Variants in SBF2 observed in about 807,000 individuals in gnomAD.
The protein encoded by SBF2 is myotubularin-related protein 13.
SBF2 carries 112 observed loss-of-function variants against 225.2 expected under a neutral mutation model. The ratio of observed to expected loss-of-function variants is 0.50; its 90% CI spans 0.43 to 0.58. The LOEUF is 0.58. SBF2 is among the 20% of genes least tolerant of loss of function. SBF2 has a pLI of 0.00. For synonymous variants in SBF2, 763 were observed against 773.3 expected (o/e 0.99, Z 0.22); for missense variants, 1,996 against 2,206.2 (o/e 0.90, Z 1.91).
chr11:10,168,459 C>T (rs539658568), intron 2 of SBF2, among the ~76,000 whole-genome samples: 13 of 152,268 alleles, frequency 8.5e-5, no homozygotes, highest in African/African-American at 2.4e-4. Context: ...CCAATTCTTC[C>T]CTTTTACTAA....
In SBF2 at chr11:9,942,901, G is replaced by GAGAGAA. The variant is rs1209099295; in HGVS notation, c.1860+19055_1860+19056insTTCTCT. 2.0e-3 allele frequency among the ~76,000 whole-genome samples: 204 copies of GAGAGAA among 101,374 alleles called. 1 individual carries two copies. The highest frequency in any genetic ancestry group is 6.1e-3 in the African/African-American group (180 of 29,564). 66.5% of individuals were successfully genotyped at this position (101,374 alleles called of 152,430 possible). On this transcript the variant is annotated intron_variant, in intron 16 of 39. Coordinates refer to ENST00000256190, the MANE Select transcript of SBF2 (RefSeq NM_030962.4). The stretch of plus-strand genomic sequence containing the variant: ...AAAGAAAAGAAAAGAAAGAGAGAGA[G>GAGAGAA]AGAAAGAAAGAAAGAAAGAAAGAAA...
intron 14 of SBF2, among the ~76,000 whole-genome samples, chr11:9,965,452 C>T (rs1270080940): frequency 1.3e-5 from 2 of 152,090 alleles, no homozygotes; most frequent in Non-Finnish European, 2.9e-5. Context: ...CCACACCCGG[C>T]TAATTTCGTA....
Position 10,294,091 on chromosome 11 carries a change from G to A in SBF2, c.-22C>T. 7.4e-7 allele frequency: 1 copy of A among 1,351,124 alleles called. No homozygotes were observed. The highest frequency in any genetic ancestry group is 1.9e-5 in the South Asian group (1 of 51,496). The allele number at this position is 1,351,124 out of a possible 1,614,324, so 83.7% of individuals were successfully genotyped here. Reference sequence around the variant, plus strand: ...CCATGGCCGCCGCCGCCGCGCTCGGGAAGCGGGTCCCCGTCGCCGCCCTCG... The same window carrying A: ...CCATGGCCGCCGCCGCCGCGCTCGGAAAGCGGGTCCCCGTCGCCGCCCTCG... On this transcript the variant is annotated 5_prime_UTR_variant, in exon 1 of 40. Coordinates refer to ENST00000256190, the MANE Select transcript of SBF2 (RefSeq NM_030962.4).
At chr11:9,897,856 C>T (rs551468562) in intron 16 of SBF2, among the ~76,000 whole-genome samples, 3 of 152,278 alleles carry the variant, frequency 2.0e-5, no homozygotes, top group Admixed American at 2.0e-4. Flanking sequence ...GATTTATCTA[C>T]CTATCAGTGT....
At chr11:9,990,291 T>C (rs1947371411) in intron 12 of SBF2, among the ~76,000 whole-genome samples, 1 of 152,186 alleles carries the variant, frequency 6.6e-6, no homozygotes, top group African/African-American at 2.4e-5. Flanking sequence ...GGCTTACCTA[T>C]TCTAGGCTAG....
At chr11:10,028,968 A>G (rs965793119) in intron 5 of SBF2, among the ~76,000 whole-genome samples, 2 of 152,192 alleles carry the variant, frequency 1.3e-5, no homozygotes, top group African/African-American at 4.8e-5. Context: ...CAGAGAAAAA[A>G]GGAGGATAAA....
intron 3 of SBF2, among the ~76,000 whole-genome samples, chr11:10,039,245 T>C (rs920932136): frequency 2.6e-5 from 4 of 151,796 alleles, no homozygotes; most frequent in Non-Finnish European, 4.4e-5. Context: ...ACTGATGATA[T>C]GATCCAAAAA....
intron 2 of SBF2, among the ~76,000 whole-genome samples, chr11:10,118,510 TGGTCAGA>T (rs1417693045): frequency 1.4e-5 from 2 of 145,834 alleles, no homozygotes; most frequent in African/African-American, 5.0e-5. Context: ...TTTTAAAATA[TGGTCAGA>T]GGTATACATT....
chr11:10,037,676 A>C (rs1439139197), intron 3 of SBF2, among the ~76,000 whole-genome samples: 1 of 151,840 alleles, frequency 6.6e-6, no homozygotes, highest in Middle Eastern at 3.2e-3. Context: ...AAATATGTCA[A>C]ACCATCTTTT....
intron 6 of SBF2, among the ~76,000 whole-genome samples, chr11:10,010,183 T>C (rs758730758): frequency 1.3e-5 from 2 of 152,214 alleles, no homozygotes; most frequent in Non-Finnish European, 2.9e-5. Context: ...TTTCTCGCAT[T>C]CTGTAGGTTG....
chr11:9,843,586 C>G (rs1014941984), intron 24 of SBF2, among the ~76,000 whole-genome samples: 1 of 152,170 alleles, frequency 6.6e-6, no homozygotes, highest in South Asian at 2.1e-4. Flanking sequence ...ATATTCTTCT[C>G]TATCACAAAG....
rs1957273770 is a variant in SBF2, at chr11:10,193,927, G to A, written c.116C>T (p.Thr39Ile). 2 of 1,612,086 alleles carry A rather than the reference G, an allele frequency of 1.2e-6. No individual in the cohort carries two copies. Among genetic ancestry groups the A allele is most frequent in the Non-Finnish European group, 1.7e-6 (2 of 1,178,270 alleles). Reference protein sequence around the residue: ...QRFPQKDWDDTPFPQGIELFC... With the variant: ...QRFPQKDWDDIPFPQGIELFC... ...CAACTCAATTCCCTGTGGAAAAGGTGTATCATCCCAGTCCTTCTGTGGAAA... is the reference window on the plus strand; with the variant it reads ...CAACTCAATTCCCTGTGGAAAAGGTATATCATCCCAGTCCTTCTGTGGAAA... The change falls in exon 2 of 40, where the codon ACA becomes ATA. Residue 39 changes from threonine to isoleucine, a missense_variant. Coordinates refer to ENST00000256190, the MANE Select transcript of SBF2 (RefSeq NM_030962.4).
At chr11:9,876,024 G>C (rs1353600070) in intron 17 of SBF2, among the ~76,000 whole-genome samples, 1 of 151,964 alleles carries the variant, frequency 6.6e-6, no homozygotes, top group African/African-American at 2.4e-5. Context: ...CATAACAAAG[G>C]TCATACAGCT....
chr11:10,181,536 T>A (rs2135287646), intron 2 of SBF2, among the ~76,000 whole-genome samples: 1 of 152,248 alleles, frequency 6.6e-6, no homozygotes, highest in South Asian at 2.1e-4. Flanking sequence ...CAGAATTAAC[T>A]GTTTAAAAAA....
chr11:10,221,671 A>C (rs1958344156), intron 1 of SBF2, among the ~76,000 whole-genome samples: 1 of 152,184 alleles, frequency 6.6e-6, no homozygotes, highest in South Asian at 2.1e-4. Context: ...AATTCTGAAC[A>C]AAATATAAAA....
chr11:10,055,743 G>A (rs1339715092), intron 2 of SBF2, among the ~76,000 whole-genome samples: 2 of 152,058 alleles, frequency 1.3e-5, no homozygotes, highest in African/African-American at 2.4e-5. Flanking sequence ...GGCATACAGT[G>A]GTATAACGGA....
At chr11:10,068,208 T>C (rs1374758376) in intron 2 of SBF2, among the ~76,000 whole-genome samples, 1 of 152,234 alleles carries the variant, frequency 6.6e-6, no homozygotes, top group East Asian at 1.9e-4. Context: ...TACATGTATT[T>C]ATACAGTATT....
chr11:9,951,508 G>A (rs1339854842), intron 16 of SBF2, among the ~76,000 whole-genome samples: 1 of 152,182 alleles, frequency 6.6e-6, no homozygotes, highest in African/African-American at 2.4e-5. Context: ...ACTGCCTAGG[G>A]AGAATTTTAG....
In SBF2 at chr11:9,976,051, A is replaced by ATTC. The variant is rs750486578; in HGVS notation, c.1396-7509_1396-7507dup. The stretch of plus-strand genomic sequence containing the variant: ...CATAAGGCACAATTATAAATCTCAT[A>ATTC]TTCTTCTTCTTCTTCTTCTTCTTTT... On this transcript the variant is annotated intron_variant, in intron 13 of 39. Coordinates refer to ENST00000256190, the MANE Select transcript of SBF2 (RefSeq NM_030962.4). Among the ~76,000 whole-genome samples, 648 of 141,574 alleles carry ATTC rather than the reference A, an allele frequency of 4.6e-3. 7 individuals carry two copies. The highest frequency in any genetic ancestry group is 0.011 in the Middle Eastern group (3 of 278). The allele number at this position is 141,574 out of a possible 152,430, so 92.9% of individuals were successfully genotyped here. A position where few individuals can be genotyped will look rare whatever the true frequency, so the allele number is the denominator to read the frequency against.
Sources: gnomAD v4.1 joint callset for allele counts (sites outside exome capture counted in the v4.1 genomes callset) on GRCh38, gnomAD v4.1.1 for gene constraint, MANE v1.5 for transcripts, NCBI Gene and HGNC (gene_info 2026-07-23, HGNC 2026-07-21) for gene names.